HIPK3: variants seen among roughly 807,000 people sequenced by gnomAD.
The protein encoded by HIPK3 is homeodomain interacting protein kinase 3.
Under a neutral mutation model 124.2 loss-of-function variants are expected in HIPK3, and 47 were observed. The observed-to-expected ratio is 0.38, with a 90% CI of 0.30 to 0.48. HIPK3 has a LOEUF of 0.48. HIPK3 is among the 20% of genes least tolerant of loss of function. HIPK3 has a pLI of 0.98. For synonymous variants in HIPK3, 482 were observed against 515.2 expected, an observed-to-expected ratio of 0.94 and a Z score of 0.87; for missense variants, 1,286 against 1,454.3, an observed-to-expected ratio of 0.88 and a Z score of 1.88.
Position 33,257,865 on chromosome 11 carries a change from G to A in HIPK3, c.-27G>A. ...GCTCAGGGCTGCGGCCGCCCGAAGA[G>A]GAGAGAGCGCGGGCCTCTAGGAAGG... On this transcript the variant is annotated 5_prime_UTR_variant, in exon 1 of 17. Transcript: ENST00000303296. 7 of 985,612 alleles carry A rather than the reference G, an allele frequency of 7.1e-6. No individual in the cohort carries two copies. Among genetic ancestry groups the A allele is most frequent in the Non-Finnish European group, 7.2e-6 (6 of 830,108 alleles). The allele number at this position is 985,612 out of a possible 1,614,324, so 61.1% of individuals were successfully genotyped here. A position where few individuals can be genotyped will look rare whatever the true frequency, so the allele number is the denominator to read the frequency against.
rs563732460 is a variant in HIPK3 at position 33,335,058 on chromosome 11, A to G, written c.1222-2017A>G. ...GATGAGGAAGAGGTACAGGGCATCA[A>G]TTTCAGGTTTCTGATTTGAGTGGAT... On this transcript the variant is annotated intron_variant, in intron 3 of 16. Coordinates refer to ENST00000303296, the MANE Select transcript of HIPK3 (RefSeq NM_005734.5). Among the ~76,000 whole-genome samples, 15 of 152,262 alleles carry G rather than the reference A, an allele frequency of 9.9e-5. No homozygotes were observed. The East Asian group carries it at 1.9e-3, about 20-fold the overall frequency.
intron 2 of HIPK3, among the ~76,000 whole-genome samples, chr11:33,294,383 TATCA>T (rs777692465): frequency 7.0e-4 from 107 of 152,240 alleles, no homozygotes; most frequent in Admixed American, 2.6e-3. Flanking sequence ...ACCCTAGTTT[TATCA>T]ATCATTCTCT....
At chr11:33,311,536 G>A (rs1233084888) in intron 2 of HIPK3, among the ~76,000 whole-genome samples, 1 of 152,004 alleles carries the variant, frequency 6.6e-6, no homozygotes, top group Non-Finnish European at 1.5e-5. Context: ...TAGGTTCGCA[G>A]AAAAACTGAG....
chr11:33,322,092 C>T (rs368581858), intron 2 of HIPK3, among the ~76,000 whole-genome samples: 39 of 152,222 alleles, frequency 2.6e-4, no homozygotes, highest in African/African-American at 8.2e-4. Flanking sequence ...CTCCGCCTCC[C>T]GGGTTCACAC....
chr11:33,353,871 AC>A lies in HIPK3; in HGVS notation c.*304del. The A allele has an allele frequency of 3.0e-6, 1 of 335,394 alleles. No homozygotes were observed. Among genetic ancestry groups the A allele is most frequent in the Non-Finnish European group, 5.6e-6 (1 of 177,494 alleles). 20.8% of individuals were successfully genotyped at this position (335,394 alleles called of 1,614,324 possible). ...CTTCTAACTAGTGCAAGACACGTCT[AC>A]ATTTGGGAAGCCATTCTGTGTACAG... On this transcript the variant is annotated 3_prime_UTR_variant, in exon 17 of 17. Coordinates refer to ENST00000303296, the MANE Select transcript of HIPK3 (RefSeq NM_005734.5).
Position 33,347,673 on chromosome 11 carries a change from A to G in HIPK3, c.2064A>G (p.Gln688=). 3 of 1,614,128 alleles carry G rather than the reference A, an allele frequency of 1.9e-6. No homozygotes were observed. The highest frequency in any genetic ancestry group is 2.5e-6 in the Non-Finnish European group (3 of 1,179,986). ...AGCAGATGCTGGTGCCTGCCTGGCA[A>G]CAGGTGACACCCCTGGCTCCTGCTA... is the stretch of plus-strand genomic sequence containing the variant. The part of the protein sequence containing the change: ...RTQQMLVPAW[Q]QVTPLAPATT... The change falls in exon 10 of 17, where the codon CAA becomes CAG. Residue 688 remains glutamine, a synonymous_variant. Coordinates refer to ENST00000303296, the MANE Select transcript of HIPK3 (RefSeq NM_005734.5).
At chr11:33,343,499 C>T (rs939591580) in intron 8 of HIPK3, among the ~76,000 whole-genome samples, 10 of 151,912 alleles carry the variant, frequency 6.6e-5, no homozygotes, top group African/African-American at 1.5e-4. Flanking sequence ...AGGCTGGTCT[C>T]GAACTCCTGA....
At chr11:33,295,319 C>T (rs1454534270) in intron 2 of HIPK3, among the ~76,000 whole-genome samples, 1 of 147,016 alleles carries the variant, frequency 6.8e-6, no homozygotes, top group Non-Finnish European at 1.5e-5. Context: ...CCATGGCATC[C>T]GAAGGACTTC....
At chr11:33,300,021 C>CAAAA (rs58435948) in intron 2 of HIPK3, among the ~76,000 whole-genome samples, 10 of 95,046 alleles carry the variant, frequency 1.1e-4, no homozygotes, top group African/African-American at 1.3e-4. Context: ...GACCCTGTCT[C>CAAAA]AAAAAAAAAA....
intron 1 of HIPK3, among the ~76,000 whole-genome samples, chr11:33,277,913 T>C (rs1851313277): frequency 1.3e-5 from 2 of 152,236 alleles, no homozygotes; most frequent in South Asian, 4.1e-4. Context: ...TTATATCTTC[T>C]GTCCATTTGT....
At chr11:33,268,111 T>A (rs1175950524) in intron 1 of HIPK3, among the ~76,000 whole-genome samples, 1 of 151,998 alleles carries the variant, frequency 6.6e-6, no homozygotes, top group Non-Finnish European at 1.5e-5. Flanking sequence ...CTCCGGAGCC[T>A]GAGGCAGGAG....
rs74977648 is a variant in HIPK3, at chr11:33,325,102, A to T, written c.1098-3408A>T. Among the ~76,000 whole-genome samples, 1,353 of 152,340 alleles carry T rather than the reference A, an allele frequency of 8.9e-3. 20 individuals carry two copies. Among genetic ancestry groups the T allele is most frequent in the African/African-American group, 0.031 (1,291 of 41,568 alleles). ...TGGCTATGTGCAATTCCTGATCAAG[A>T]TTTTGTAAAGATGACTCTGTATTCT... is the stretch of plus-strand genomic sequence containing the variant. On this transcript the variant is annotated intron_variant, in intron 2 of 16. Transcript: ENST00000303296.
intron 1 of HIPK3, among the ~76,000 whole-genome samples, chr11:33,258,956 G>A (rs566987836): frequency 6.6e-6 from 1 of 152,220 alleles, no homozygotes; most frequent in South Asian, 2.1e-4. Flanking sequence ...GAGGGAAAGC[G>A]CATGGTTGGC....
intron 2 of HIPK3, among the ~76,000 whole-genome samples, chr11:33,297,609 A>C (rs564983303): frequency 6.6e-6 from 1 of 152,180 alleles, no homozygotes; most frequent in Non-Finnish European, 1.5e-5. Context: ...AAGGTGAAGC[A>C]GCAAGGGCTG....
chr11:33,339,072 T>C (rs1853250010), intron 5 of HIPK3, among the ~76,000 whole-genome samples: 1 of 152,250 alleles, frequency 6.6e-6, no homozygotes, highest in African/African-American at 2.4e-5. Context: ...AGTTTTTGCT[T>C]TGAAAGGAAA....
At position 33,287,296 on chromosome 11, in the gene HIPK3, G is replaced by C; in HGVS notation, c.882G>C (p.Leu294=). The change falls in exon 2 of 17, where the codon CTG becomes CTC. Residue 294 remains leucine, a synonymous_variant. Transcript: ENST00000303296. ...TGAAACAAAATAAATTTAGTCCCCT[G>C]CCACTAAAAGTGATTCGGCCCATTC... The part of the protein sequence containing the change: ...DFLKQNKFSP[L]PLKVIRPILQ... The C allele has an allele frequency of 6.2e-7, 1 of 1,614,082 alleles. No individual in the cohort carries two copies. The highest frequency in any genetic ancestry group is 8.5e-7 in the Non-Finnish European group (1 of 1,179,988).
chr11:33,279,266 G>A (rs1851349026), intron 1 of HIPK3, among the ~76,000 whole-genome samples: 1 of 139,940 alleles, frequency 7.1e-6, no homozygotes, highest in African/African-American at 2.7e-5. Flanking sequence ...AGTGAGCTGT[G>A]ATCACGCTAC....
In HIPK3 at chr11:33,341,066, C is replaced by T. The variant is rs2133986746; in HGVS notation, c.1712C>T (p.Ala571Val). 2 of 1,612,182 alleles carry T rather than the reference C, an allele frequency of 1.2e-6. No individual in the cohort carries two copies. Among genetic ancestry groups the T allele is most frequent in the South Asian group, 2.2e-5 (2 of 90,764 alleles). The change falls in exon 7 of 17, where the codon GCT becomes GTT. Residue 571 changes from alanine (A) to valine (V), a missense_variant. Physicochemically the swap from Ala to Val is moderately conservative, Grantham distance 64. Transcript: ENST00000303296. ...AAAACTTCACTTTTAAGACCAGTTGCTTCAAGCAGTACTGCTACACTGACT... is the reference window on the plus strand; with the variant it reads ...AAAACTTCACTTTTAAGACCAGTTGTTTCAAGCAGTACTGCTACACTGACT... ...HNKTSLLRPVASSSTATLTAN... is the reference protein window; with the variant it reads ...HNKTSLLRPVVSSSTATLTAN...
chr11:33,268,591 CAAAAAAA>C (rs35408664), intron 1 of HIPK3, among the ~76,000 whole-genome samples: 3 of 76,022 alleles, frequency 3.9e-5, no homozygotes, highest in African/African-American at 5.2e-5. Context: ...ACTCCGTCAC[CAAAAAAA>C]AAAAAAAAAA....
Sources: gnomAD v4.1 joint callset for allele counts (sites outside exome capture counted in the v4.1 genomes callset) on GRCh38, gnomAD v4.1.1 for gene constraint, MANE v1.5 for transcripts, NCBI Gene and HGNC (gene_info 2026-07-23, HGNC 2026-07-21) for gene names.